Variants in KIF9 observed in about 807,000 individuals in gnomAD.
The protein encoded by KIF9 is kinesin-like protein KIF9.
KIF9 carries 68 observed loss-of-function variants against 94.8 expected under a neutral mutation model. That is an observed-to-expected ratio of 0.72 (90% CI 0.59 to 0.88). The LOEUF (loss-of-function observed/expected upper bound fraction) is 0.88. KIF9 is among the 40% of genes least tolerant of loss of function. The pLI is 0.00. For missense variants in KIF9, 882 were observed against 982.5 expected, an observed-to-expected ratio of 0.90 and a Z score of 1.37; for synonymous variants, 343 against 362.1, an observed-to-expected ratio of 0.95 and a Z score of 0.60.
Position 47,257,527 on chromosome 3 carries a change from G to C in KIF9, c.1015C>G (p.Leu339Val), listed in dbSNP as rs141713910. ...SSLRFASRMK[L>V]VTTEPAINEK... ...TTGATGGCAGGCTCAGTGGTGACTA[G>C]CTTCATCCTGCTGGCAAATCTCAGT... The change falls in exon 10 of 21, where the codon CTA becomes GTA. Residue 339 changes from leucine (L) to valine (V), a missense_variant. By Grantham distance (32) the Leu-to-Val change is conservative. Transcript: ENST00000684063. 3 of 1,613,888 alleles carry C rather than the reference G, an allele frequency of 1.9e-6. No individual in the cohort carries two copies. The highest frequency in any genetic ancestry group is 2.5e-6 in the Non-Finnish European group (3 of 1,180,004).
chr3:47,241,788 C>T (rs902624016), intron 16 of KIF9, among the ~76,000 whole-genome samples: 5 of 82,612 alleles, frequency 6.1e-5, no homozygotes, highest in African/African-American at 1.4e-4. Context: ...CATGTATATA[C>T]GTGTATATAT....
chr3:47,276,992 CT>C (rs1285518831), intron 2 of KIF9: 12 of 241,420 alleles, frequency 5.0e-5, no homozygotes, highest in Non-Finnish European at 9.5e-5. Context: ...CATTAGAAAG[CT>C]TTATGAATGT....
chr3:47,273,682 G>A (rs1326491016), intron 3 of KIF9, 24 bp from the exon 4 acceptor site: 3 of 1,590,944 alleles, frequency 1.9e-6, no homozygotes, highest in Admixed American at 3.4e-5. Flanking sequence ...AAAACACGGT[G>A]ACATCCAGGA....
chr3:47,276,580 G>T (rs1247621859), intron 2 of KIF9, among the ~76,000 whole-genome samples: 1 of 148,066 alleles, frequency 6.8e-6, no homozygotes, highest in Non-Finnish European at 1.5e-5. Context: ...AAAAAGAAAA[G>T]AAAGAAAGAA....
rs766322815 is a variant in KIF9, at chr3:47,244,780, A to G, written c.1514+11T>C. 6.2e-7 allele frequency: 1 copy of G among 1,613,368 alleles called. No individual in the cohort carries two copies. The highest frequency in any genetic ancestry group is 1.1e-5 in the South Asian group (1 of 91,020). On this transcript the variant is annotated intron_variant, in intron 15 of 20. Coordinates refer to ENST00000684063, the MANE Select transcript of KIF9 (RefSeq NM_182902.4). The stretch of plus-strand genomic sequence containing the variant: ...CAGCTGCTGAGGAGGCAGAGCGGCA[A>G]GGTCACTCACCTGAGTGGCTCTTTG...
Position 47,264,344 on chromosome 3 carries a change from T to C in KIF9, c.923A>G (p.Asn308Ser), listed in dbSNP as rs1056893333. ...GTTTGTCACGAGGACCATATTGCAG[T>C]TTCCCCCTGCGGAAAGCAAGACACA... ...THALKDSLGG[N>S]CNMVLVTNIY... Residue 308 changes from asparagine to serine, a missense_variant, in exon 9 of 21, where the codon AAC (asparagine) becomes AGC (serine). Physicochemically the swap from Asn to Ser is conservative, Grantham distance 46. Transcript: ENST00000684063. 8 of 1,613,314 alleles carry C rather than the reference T, an allele frequency of 5.0e-6. No homozygotes were observed. In the Admixed American group the frequency reaches 1.0e-4, roughly 20 times the overall value.
In KIF9 at chr3:47,275,371, C is replaced by T. The variant is rs1355458236; in HGVS notation, c.213G>A (p.Glu71=). ...GAGAAACCACATCCTTTGCAACTGT[C>T]TCATAAACCAAGTCCTGGGAGGCAT... is the stretch of plus-strand genomic sequence containing the variant. ...LHDASQDLVY[E]TVAKDVVSQA... is the part of the protein sequence containing the mutation. The change falls in exon 3 of 21, where the codon GAG becomes GAA. Residue 71 remains glutamate (E), a synonymous_variant. Transcript: ENST00000684063. 2.5e-6 allele frequency: 4 copies of T among 1,613,982 alleles called. No homozygotes were observed. The highest frequency in any genetic ancestry group is 2.5e-6 in the Non-Finnish European group (3 of 1,179,920).
intron 3 of KIF9, among the ~76,000 whole-genome samples, chr3:47,274,131 A>C (rs188382151): frequency 2.0e-5 from 3 of 152,336 alleles, no homozygotes; most frequent in African/African-American, 7.2e-5. Flanking sequence ...ATGGAGTGGA[A>C]AGGGCATTTT....
At chr3:47,269,781 T>A (rs1701521772) in intron 5 of KIF9, among the ~76,000 whole-genome samples, 2 of 142,542 alleles carry the variant, frequency 1.4e-5, no homozygotes, top group Non-Finnish European at 3.1e-5. Flanking sequence ...TTTTTTTTTT[T>A]TTTTTTTTTT....
chr3:47,281,196 C>T (rs1702318392), intron 1 of KIF9: 2 of 607,480 alleles, frequency 3.3e-6, no homozygotes, highest in Non-Finnish European at 5.9e-6. Flanking sequence ...TCAGTCACTA[C>T]TGAGAGAGTC....
At position 47,276,947 on chromosome 3, in the gene KIF9, G is replaced by A. The variant is rs144597417; in HGVS notation, c.93+335C>T. On this transcript the variant is annotated intron_variant, in intron 2 of 20. Coordinates refer to ENST00000684063, the MANE Select transcript of KIF9 (RefSeq NM_182902.4). ...GTAATGAACTCAAGATATTCTTACTGCACCCCATGGGCGATTATACAATGA... is the reference window on the plus strand; with the variant it reads ...GTAATGAACTCAAGATATTCTTACTACACCCCATGGGCGATTATACAATGA... The A allele has an allele frequency of 4.7e-4, 80 of 171,520 alleles. 1 individual carries two copies. In the East Asian group the frequency reaches 0.011, roughly 24 times the overall value. The allele number at this position is 171,520 out of a possible 1,614,324, so 10.6% of individuals were successfully genotyped here. A position where few individuals can be genotyped will look rare whatever the true frequency, so the allele number is the denominator to read the frequency against.
At chr3:47,257,887 C>T (rs1012599657) in intron 9 of KIF9, among the ~76,000 whole-genome samples, 1 of 152,102 alleles carries the variant, frequency 6.6e-6, no homozygotes, top group Non-Finnish European at 1.5e-5. Flanking sequence ...GCCTGGAGTA[C>T]CCTTTTCTGT....
At position 47,243,182 on chromosome 3, in the gene KIF9, G is replaced by A; in HGVS notation, c.1578C>T (p.Ser526=). ...PVNGKDLDYV[S]TSKTQLVPSS... ...ATGGGACCAGCTGGGTCTTGGAGGT[G>A]GAAACGTAATCCAAGTCCTTCCCAT... The change falls in exon 16 of 21, where the codon TCC becomes TCT. Residue 526 remains serine, a synonymous_variant. Transcript: ENST00000684063. 6.2e-7 allele frequency: 1 copy of A among 1,613,716 alleles called. No homozygotes were observed. Among genetic ancestry groups the A allele is most frequent in the Non-Finnish European group, 8.5e-7 (1 of 1,179,732 alleles).
Position 47,265,786 on chromosome 3 carries a change from C to G in KIF9, c.860G>C (p.Arg287Pro), listed in dbSNP as rs201650752. The G allele has an allele frequency of 6.2e-7, 1 of 1,614,194 alleles. No homozygotes were observed. The highest frequency in any genetic ancestry group is 2.2e-5 in the East Asian group (1 of 44,884). ...QAIIALGDQK[R>P]DHIPFRQCKL... is the part of the protein sequence containing the mutation. ...GCACTGCCGAAAGGGGATGTGGTCC[C>G]GCTTCTGGTCCCCAAGGGCAATGAT... is the stretch of plus-strand genomic sequence containing the variant. Residue 287 changes from arginine (R) to proline (P), a missense_variant, in exon 8 of 21, where the codon CGG (arginine) becomes CCG (proline). Transcript: ENST00000684063.
chr3:47,245,739 G>A, intron 13 of KIF9: 1 of 561,602 alleles, frequency 1.8e-6, no homozygotes, highest in Non-Finnish European at 3.2e-6. Context: ...CTTATGTCAT[G>A]TGTGTCTGCT....
intron 9 of KIF9, among the ~76,000 whole-genome samples, chr3:47,263,047 C>A (rs955057270): frequency 6.6e-6 from 1 of 152,146 alleles, no homozygotes; most frequent in African/African-American, 2.4e-5. Context: ...CACAGGCATG[C>A]ACCACCATGC....
chr3:47,267,127 G>A, intron 6 of KIF9, 53 bp downstream of exon 6: 1 of 1,598,324 alleles, frequency 6.3e-7, no homozygotes, highest in Admixed American at 1.7e-5. Flanking sequence ...GACTGAGCAG[G>A]CCCCGTGGGA....
chr3:47,239,453 G>T, intron 17 of KIF9: 1 of 578,938 alleles, frequency 1.7e-6, no homozygotes, highest in Non-Finnish European at 2.2e-6. Flanking sequence ...ACCATCACTG[G>T]CCTTCTCCAG....
At chr3:47,281,223 G>C in intron 1 of KIF9, 1 of 552,532 alleles carries the variant, frequency 1.8e-6, no homozygotes, top group East Asian at 3.0e-5. Context: ...GGCATATGAT[G>C]TCACTCCCCT....
Sources: gnomAD v4.1 joint callset for allele counts (sites outside exome capture counted in the v4.1 genomes callset) on GRCh38, gnomAD v4.1.1 for gene constraint, MANE v1.5 for transcripts, NCBI Gene and HGNC (gene_info 2026-07-23, HGNC 2026-07-21) for gene names.